The following LUZP2 variants were observed in gnomAD, a reference collection of about 807,000 sequenced individuals.
LUZP2 encodes the protein leucine zipper protein 2.
Under a neutral mutation model 51.6 loss-of-function variants are expected in LUZP2, and 52 were observed. The observed-to-expected ratio is 1.01, with a 90% CI of 0.81 to 1.27. The LOEUF is 1.27. Ranked by LOEUF, LUZP2 falls within the 50% of genes most tolerant of loss-of-function variation. The pLI, the probability that LUZP2 is intolerant of heterozygous loss-of-function variation, is 0.00. For missense variants in LUZP2, 436 were observed against 395.4 expected, an observed-to-expected ratio of 1.10 and a Z score of -0.87; for synonymous variants, 154 against 137.3, an observed-to-expected ratio of 1.12 and a Z score of -0.85.
intron 7 of LUZP2, among the ~76,000 whole-genome samples, chr11:24,928,935 A>G (rs991227625): frequency 1.3e-5 from 2 of 151,750 alleles, no homozygotes; most frequent in Non-Finnish European, 2.9e-5. Context: ...CAGAGTTTCT[A>G]TTTTTTCCCA....
chr11:24,711,120 C>A (rs1341615678), intron 1 of LUZP2, among the ~76,000 whole-genome samples: 1 of 152,164 alleles, frequency 6.6e-6, no homozygotes, highest in Non-Finnish European at 1.5e-5. Flanking sequence ...GCCAGAATTC[C>A]AATTCCATGT....
At chr11:24,895,827 TTTG>T (rs1853024420) in intron 5 of LUZP2, among the ~76,000 whole-genome samples, 1 of 152,198 alleles carries the variant, frequency 6.6e-6, no homozygotes, top group Non-Finnish European at 1.5e-5. Context: ...GGTAGAAATA[TTTG>T]TTTTCTTTTT....
intron 3 of LUZP2, among the ~76,000 whole-genome samples, chr11:24,735,082 G>A (rs1858881835): frequency 6.6e-6 from 1 of 151,982 alleles, no homozygotes; most frequent in Non-Finnish European, 1.5e-5. Flanking sequence ...TTTCTGTGTA[G>A]CTGGAGCTAG....
chr11:24,906,057 A>G lies in LUZP2; in HGVS notation c.459+4A>G. 6.2e-7 allele frequency: 1 copy of G among 1,611,108 alleles called. No individual in the cohort carries two copies. The highest frequency in any genetic ancestry group is 8.5e-7 in the Non-Finnish European group (1 of 1,178,208). ...CTGTGGCATTCACGCAGAAGAGGTG[A>G]GTAAATTTTTGCTTCTTCTAGCTTT... On this transcript the variant is annotated splice_donor_region_variant and intron_variant, in intron 6 of 11. Coordinates refer to ENST00000336930, the MANE Select transcript of LUZP2 (RefSeq NM_001009909.4).
chr11:24,581,539 C>T (rs112510144), intron 1 of LUZP2, among the ~76,000 whole-genome samples: 4,532 of 149,260 alleles, frequency 0.03, 113 homozygotes, highest in African/African-American at 0.07. Context: ...GGTGTGGTGG[C>T]GCTCTCTTGC....
Position 24,983,273 on chromosome 11 carries a change from G to C in LUZP2, c.745G>C (p.Asp249His), listed in dbSNP as rs1015300983. The C allele has an allele frequency of 1.1e-5, 17 of 1,611,620 alleles. No individual in the cohort carries two copies. The highest frequency in any genetic ancestry group is 1.2e-5 in the Non-Finnish European group (14 of 1,178,582). Residue 249 changes from aspartate (D) to histidine (H), a missense_variant, in exon 9 of 12, where the codon GAT becomes CAT. By Grantham distance (81) the Asp-to-His change is moderately conservative. Coordinates refer to ENST00000336930, the MANE Select transcript of LUZP2 (RefSeq NM_001009909.4). ...PPRNIASKLP[D>H]AAAKSKPQQS... The stretch of plus-strand genomic sequence containing the variant: ...CAGGAATATTGCCTCTAAGCTTCCA[G>C]ATGCAGCGGCCAAAAGCAAGGTACC...
intron 1 of LUZP2, among the ~76,000 whole-genome samples, chr11:24,520,504 C>A (rs184163194): frequency 3.3e-5 from 5 of 152,310 alleles, no homozygotes; most frequent in Middle Eastern, 3.4e-3. Context: ...ACAGAAGAAT[C>A]TTCTCATGTA....
At chr11:24,719,371 G>A (rs1858175147) in intron 1 of LUZP2, among the ~76,000 whole-genome samples, 1 of 152,088 alleles carries the variant, frequency 6.6e-6, no homozygotes, top group Admixed American at 6.6e-5. Context: ...GTTAAATCAT[G>A]GCCCCAAAAT....
intron 9 of LUZP2, among the ~76,000 whole-genome samples, chr11:25,013,320 T>A (rs998036894): frequency 6.6e-6 from 1 of 152,160 alleles, no homozygotes. Context: ...GTAGAGTGAC[T>A]GTAGTTATAC....
intron 1 of LUZP2, among the ~76,000 whole-genome samples, chr11:24,498,901 T>C (rs984290049): frequency 1.3e-5 from 2 of 152,194 alleles, no homozygotes; most frequent in South Asian, 2.1e-4. Flanking sequence ...TGTGAACATC[T>C]CTAGAGTTCC....
chr11:24,570,742 T>A (rs560110690), intron 1 of LUZP2, among the ~76,000 whole-genome samples: 6 of 152,182 alleles, frequency 3.9e-5, no homozygotes, highest in Admixed American at 2.6e-4. Context: ...CTTCCATAGA[T>A]GTTATGTGTC....
intron 10 of LUZP2, among the ~76,000 whole-genome samples, chr11:25,061,610 C>A (rs970515820): frequency 6.6e-6 from 1 of 152,070 alleles, no homozygotes; most frequent in African/African-American, 2.4e-5. Context: ...GGGTACTTTA[C>A]TAATTAGGTT....
At chr11:24,727,486 A>G (rs1371485313) in intron 1 of LUZP2, among the ~76,000 whole-genome samples, 1 of 152,094 alleles carries the variant, frequency 6.6e-6, no homozygotes, top group African/African-American at 2.4e-5. Context: ...TATTAACCCT[A>G]TATATAATAT....
chr11:25,051,020 G>T (rs1858493505), intron 10 of LUZP2, among the ~76,000 whole-genome samples: 1 of 152,144 alleles, frequency 6.6e-6, no homozygotes, highest in Non-Finnish European at 1.5e-5. Flanking sequence ...CAACAATTGT[G>T]TTCAAAATTA....
intron 1 of LUZP2, among the ~76,000 whole-genome samples, chr11:24,536,320 C>A (rs1057023623): frequency 3.3e-5 from 5 of 151,794 alleles, no homozygotes; most frequent in African/African-American, 1.2e-4. Flanking sequence ...GCATTGATTT[C>A]TCTTCTCTAG....
intron 1 of LUZP2, among the ~76,000 whole-genome samples, chr11:24,635,847 A>T (rs774529101): frequency 6.6e-6 from 1 of 152,126 alleles, no homozygotes; most frequent in South Asian, 2.1e-4. Context: ...ACTTTACTTG[A>T]AATACAAGGC....
At chr11:24,541,909 GA>G (rs5790411) in intron 1 of LUZP2, among the ~76,000 whole-genome samples, 36,700 of 147,550 alleles carry the variant, frequency 0.25, 4,604 homozygotes, top group Middle Eastern at 0.37. Flanking sequence ...ATTTATATAA[GA>G]AAAAAAAAAC....
intron 1 of LUZP2, among the ~76,000 whole-genome samples, chr11:24,574,135 C>A (rs1394318135): frequency 2.0e-5 from 3 of 150,102 alleles, no homozygotes; most frequent in African/African-American, 7.4e-5. Flanking sequence ...TTTCCTTTCT[C>A]TTTCTTTCCT....
chr11:24,864,223 G>T (rs1851820903), intron 5 of LUZP2, among the ~76,000 whole-genome samples: 1 of 152,096 alleles, frequency 6.6e-6, no homozygotes, highest in Non-Finnish European at 1.5e-5. Context: ...CATGTTTGAA[G>T]TTTCTATGAT....
Sources: allele counts gnomAD v4.1 joint callset (sites outside exome capture counted in the v4.1 genomes callset), GRCh38; gene constraint gnomAD v4.1.1; transcripts MANE v1.5; gene names NCBI Gene and HGNC (gene_info 2026-07-23, HGNC 2026-07-21).